The following MRPS31 variants were observed in gnomAD, a reference collection of about 807,000 sequenced individuals.
MRPS31 encodes mitochondrial ribosomal protein S31, also known as small ribosomal subunit protein mS31.
Under a neutral mutation model 43.1 loss-of-function variants are expected in MRPS31, and 32 were observed. That is an observed-to-expected ratio of 0.74 (90% CI 0.56 to 1.00). The LOEUF is 1.00. Among genes scored for constraint, MRPS31 ranks in the 50% least tolerant of loss-of-function variants. MRPS31 has a pLI of 0.00. For synonymous variants in MRPS31, 165 were observed against 161.6 expected, an observed-to-expected ratio of 1.02 and a Z score of -0.16; for missense variants, 437 against 466.7, an observed-to-expected ratio of 0.94 and a Z score of 0.59.
At chr13:40,750,742 T>TTATATA (rs66521234) in intron 5 of MRPS31, among the ~76,000 whole-genome samples, 2,031 of 130,678 alleles carry the variant, frequency 0.016, 31 homozygotes, top group East Asian at 0.057. Context: ...GTATCCCATT[T>TTATATA]TATATATATA....
chr13:40,738,859 T>C (rs1459433332), intron 6 of MRPS31, among the ~76,000 whole-genome samples: 1 of 152,128 alleles, frequency 6.6e-6, no homozygotes, highest in Non-Finnish European at 1.5e-5. Context: ...CTGGAAGCAT[T>C]CCCTTTGAAA....
intron 1 of MRPS31, among the ~76,000 whole-genome samples, chr13:40,769,412 A>ATATG (rs1343631118): frequency 3.0e-5 from 3 of 101,064 alleles, no homozygotes; most frequent in Non-Finnish European, 5.7e-5. Flanking sequence ...ATATATATAT[A>ATATG]TATATATATT....
Position 40,766,915 on chromosome 13 carries a change from C to G in MRPS31, c.271G>C (p.Glu91Gln). The G allele has an allele frequency of 2.5e-6, 4 of 1,614,088 alleles. No individual in the cohort carries two copies. The highest frequency in any genetic ancestry group is 3.4e-6 in the Non-Finnish European group (4 of 1,180,010). Residue 91 changes from glutamate to glutamine, a missense_variant, in exon 2 of 7, where the codon GAA becomes CAA. Transcript: ENST00000323563. ...AAGTCTTTTTTCGTATTTTCCTTTT[C>G]ACTGTCTTGGCTCTCTGAAGTCTCC... ...SKETSESQDS[E>Q]KENTKKDLLG...
At chr13:40,749,358 T>C (rs1880326611) in intron 5 of MRPS31, 77 bp from the exon 6 acceptor site, 2 of 1,209,694 alleles carry the variant, frequency 1.7e-6, no homozygotes, top group Non-Finnish European at 2.2e-6. Flanking sequence ...CAATCCTGAA[T>C]TGACCATGTA....
chr13:40,745,954 G>A (rs1880230197), intron 6 of MRPS31, among the ~76,000 whole-genome samples: 2 of 152,112 alleles, frequency 1.3e-5, no homozygotes, highest in African/African-American at 2.4e-5. Context: ...CTCCATGCAG[G>A]CAAAGCACAA....
chr13:40,738,131 A>T (rs1168447318), intron 6 of MRPS31, among the ~76,000 whole-genome samples: 1 of 152,202 alleles, frequency 6.6e-6, no homozygotes, highest in Non-Finnish European at 1.5e-5. Context: ...ACAGAAATAC[A>T]AACTACCATC....
intron 6 of MRPS31, among the ~76,000 whole-genome samples, chr13:40,733,006 T>G (rs1484605519): frequency 3.5e-5 from 5 of 144,392 alleles, no homozygotes; most frequent in Middle Eastern, 3.2e-3. Context: ...TTTTTTTTTT[T>G]TTTTTTTTTT....
rs201190639 is a variant in MRPS31, at chr13:40,769,373, CATATATATATATATATATAT to C, written c.152+1592_152+1611del. ...CTAAGCGACAGAGCAAGACTCTGTCCATATATATATATATATATATATATATATATATATATATATATATA... is the reference window on the plus strand; with the variant it reads ...CTAAGCGACAGAGCAAGACTCTGTCCATATATATATATATATATATATATA... On this transcript the variant is annotated intron_variant, in intron 1 of 6. Transcript: ENST00000323563. 4.2e-3 allele frequency among the ~76,000 whole-genome samples: 275 copies of C among 65,644 alleles called. 3 individuals are homozygous for C. The highest frequency in any genetic ancestry group is 8.7e-3 in the African/African-American group (194 of 22,398). 43.1% of individuals were successfully genotyped at this position (65,644 alleles called of 152,430 possible). A position where few individuals can be genotyped will look rare whatever the true frequency, so the allele number is the denominator to read the frequency against.
At chr13:40,751,707 A>C (rs906480901) in intron 5 of MRPS31, among the ~76,000 whole-genome samples, 1 of 152,220 alleles carries the variant, frequency 6.6e-6, no homozygotes, top group African/African-American at 2.4e-5. Context: ...ACAATTGCTA[A>C]ATTTACGTTT....
At chr13:40,756,848 C>T in intron 4 of MRPS31, 25 bp downstream of exon 4, 1 of 1,611,094 alleles carries the variant, frequency 6.2e-7, no homozygotes, top group Non-Finnish European at 8.5e-7. Flanking sequence ...ACAAACAAAA[C>T]CCAGCAGATT....
chr13:40,731,898 G>A (rs1388780742), intron 6 of MRPS31, among the ~76,000 whole-genome samples: 3 of 151,956 alleles, frequency 2.0e-5, no homozygotes, highest in Non-Finnish European at 2.9e-5. Context: ...CTCCAGGAGG[G>A]CAGAATGAAT....
At chr13:40,737,284 A>T (rs923548814) in intron 6 of MRPS31, among the ~76,000 whole-genome samples, 1 of 152,134 alleles carries the variant, frequency 6.6e-6, no homozygotes, top group Non-Finnish European at 1.5e-5. Context: ...TCATAAAGCA[A>T]GTCCTGAGTG....
At chr13:40,756,814 A>G in intron 4 of MRPS31, 59 bp downstream of exon 4, 1 of 1,568,444 alleles carries the variant, frequency 6.4e-7, no homozygotes, top group Non-Finnish European at 8.7e-7. Flanking sequence ...AGGTAAATCT[A>G]CAGTTAAGGT....
chr13:40,751,824 T>C (rs1880399225), intron 5 of MRPS31, among the ~76,000 whole-genome samples: 1 of 152,322 alleles, frequency 6.6e-6, no homozygotes, highest in Non-Finnish European at 1.5e-5. Flanking sequence ...TAAAGTTGTG[T>C]GCTATTTTCC....
intron 5 of MRPS31, among the ~76,000 whole-genome samples, chr13:40,750,535 C>CA (rs1373870119): frequency 6.6e-6 from 1 of 151,934 alleles, no homozygotes; most frequent in African/African-American, 2.4e-5. Context: ...ACACAAATTA[C>CA]AACTTAATAA....
In MRPS31 at chr13:40,757,030, G is replaced by C. The variant is rs1449658307; in HGVS notation, c.600-17C>G. The C allele has an allele frequency of 2.5e-6, 4 of 1,587,646 alleles. No individual in the cohort carries two copies. The highest frequency in any genetic ancestry group is 3.4e-6 in the Non-Finnish European group (4 of 1,166,742). ...TTACTGAAACTGAAATAATAAAAAG[G>C]TCAAGTGTATTAGAAATCTTAGCTA... On this transcript the variant is annotated splice_polypyrimidine_tract_variant and intron_variant, in intron 3 of 6. Transcript: ENST00000323563.
In MRPS31 at chr13:40,749,133, C is replaced by T. The variant is rs755561262; in HGVS notation, c.958+5G>A. The stretch of plus-strand genomic sequence containing the variant: ...GTTTTATAATCCCCTGAAATTAACA[C>T]TTACCTGCTTCATTGTTAATTGGGA... On this transcript the variant is annotated splice_donor_5th_base_variant and intron_variant, in intron 6 of 6. Coordinates refer to ENST00000323563, the MANE Select transcript of MRPS31 (RefSeq NM_005830.4). The T allele has an allele frequency of 6.3e-7, 1 of 1,589,768 alleles. No individual in the cohort carries two copies. The highest frequency in any genetic ancestry group is 1.4e-5 in the African/African-American group (1 of 73,284).
intron 5 of MRPS31, 71 bp downstream of exon 5, chr13:40,753,948 T>C (rs1398292300): frequency 2.1e-6 from 2 of 972,342 alleles, no homozygotes; most frequent in East Asian, 5.2e-5. Context: ...TCCAAACTAT[T>C]AGAACACTAA....
intron 6 of MRPS31, among the ~76,000 whole-genome samples, chr13:40,741,376 A>G (rs759188634): frequency 6.6e-6 from 1 of 152,216 alleles, no homozygotes. Flanking sequence ...ATGAAAGTGC[A>G]TAATATATTG....
Sources: allele counts gnomAD v4.1 joint callset (sites outside exome capture counted in the v4.1 genomes callset), GRCh38; gene constraint gnomAD v4.1.1; transcripts MANE v1.5; gene names NCBI Gene and HGNC (gene_info 2026-07-23, HGNC 2026-07-21).